RNLS: variants seen among roughly 807,000 people sequenced by gnomAD.
The protein encoded by RNLS is renalase.
A neutral mutation model predicts 39.8 loss-of-function variants in RNLS; 39 were observed. The ratio of observed to expected loss-of-function variants is 0.98; its 90% CI spans 0.76 to 1.28. The LOEUF (loss-of-function observed/expected upper bound fraction) is 1.28. Ranked by LOEUF, RNLS falls within the 50% of genes most tolerant of loss-of-function variation. RNLS has a pLI of 0.00. For missense variants in RNLS, 410 were observed against 413.3 expected (o/e 0.99, Z 0.07); for synonymous variants, 147 against 150.7 (o/e 0.98, Z 0.18).
intron 4 of RNLS, among the ~76,000 whole-genome samples, chr10:88,519,215 T>C (rs1165211046): frequency 6.6e-6 from 1 of 151,922 alleles, no homozygotes. Flanking sequence ...AAATATTCTA[T>C]CCTTATCCTG....
chr10:88,383,025 C>T (rs761271262), intron 4 of RNLS, among the ~76,000 whole-genome samples: 4 of 152,088 alleles, frequency 2.6e-5, no homozygotes, highest in Non-Finnish European at 4.4e-5. Context: ...TATAGTGACT[C>T]ATATTATTCA....
At chr10:88,437,537 C>A (rs552138263) in intron 4 of RNLS, among the ~76,000 whole-genome samples, 56 of 152,288 alleles carry the variant, frequency 3.7e-4, no homozygotes, top group African/African-American at 1.2e-3. Flanking sequence ...TTTCCAGATT[C>A]CAGGATAATG....
At chr10:88,247,564 C>T in the RNLS span, among the ~76,000 whole-genome samples, 1 of 152,154 alleles carries the variant, frequency 6.6e-6, no homozygotes, top group African/African-American at 2.4e-5. Flanking sequence ...ACAATGCCTA[C>T]CTCAAGGGGT....
intron 4 of RNLS, among the ~76,000 whole-genome samples, chr10:88,436,225 G>T (rs1841402076): frequency 6.6e-6 from 1 of 152,130 alleles, no homozygotes; most frequent in African/African-American, 2.4e-5. Flanking sequence ...TTCTGATAAG[G>T]TAACTTACCT....
intron 6 of RNLS, among the ~76,000 whole-genome samples, chr10:88,300,150 T>C (rs1844407958): frequency 6.6e-6 from 1 of 152,166 alleles, no homozygotes; most frequent in African/African-American, 2.4e-5. Flanking sequence ...ACATAAGATA[T>C]CTGAGCCCTC....
chr10:88,467,835 C>A (rs1056600010), intron 4 of RNLS, among the ~76,000 whole-genome samples: 1 of 152,114 alleles, frequency 6.6e-6, no homozygotes. Flanking sequence ...ATCAGCAACA[C>A]GTGGAGGCTT....
chr10:88,442,457 A>T (rs145805173), intron 4 of RNLS, among the ~76,000 whole-genome samples: 1 of 152,232 alleles, frequency 6.6e-6, no homozygotes, highest in African/African-American at 2.4e-5. Context: ...CAACACCTCC[A>T]CTTTTGTTTC....
intron 5 of RNLS, among the ~76,000 whole-genome samples, chr10:88,345,118 A>G (rs981089300): frequency 2.0e-5 from 3 of 152,128 alleles, no homozygotes; most frequent in Non-Finnish European, 4.4e-5. Flanking sequence ...CTTTAGGCTC[A>G]ATTTACTCAA....
chr10:88,441,767 A>G (rs752969271), intron 4 of RNLS, among the ~76,000 whole-genome samples: 13 of 152,218 alleles, frequency 8.5e-5, no homozygotes, highest in Non-Finnish European at 1.6e-4. Flanking sequence ...GATGGGCCGG[A>G]GATGCAATGG....
At chr10:88,345,612 C>A (rs966887773) in intron 5 of RNLS, among the ~76,000 whole-genome samples, 28 of 152,118 alleles carry the variant, frequency 1.8e-4, no homozygotes, top group Non-Finnish European at 2.4e-4. Context: ...TTGTATGTGA[C>A]AACAATTATA....
chr10:88,253,822 TG>T, the RNLS span, among the ~76,000 whole-genome samples: 1 of 152,154 alleles, frequency 6.6e-6, no homozygotes, highest in African/African-American at 2.4e-5. Context: ...GGCCTGGGTT[TG>T]TCCCCCTGGG....
chr10:88,397,410 T>C (rs929975181), intron 4 of RNLS, among the ~76,000 whole-genome samples: 5 of 151,684 alleles, frequency 3.3e-5, no homozygotes, highest in Non-Finnish European at 7.4e-5. Context: ...CGTTAGAAAA[T>C]ACTTTGAAAT....
chr10:88,487,565 A>G (rs1472632346), intron 4 of RNLS, among the ~76,000 whole-genome samples: 1 of 152,216 alleles, frequency 6.6e-6, no homozygotes, highest in African/African-American at 2.4e-5. Context: ...CTAAAATGCA[A>G]AAGACTTATC....
At chr10:88,511,180 C>T (rs1255482856) in intron 4 of RNLS, among the ~76,000 whole-genome samples, 3 of 152,054 alleles carry the variant, frequency 2.0e-5, no homozygotes, top group Non-Finnish European at 4.4e-5. Flanking sequence ...GGTTCCAAGC[C>T]TTCTACAGCT....
Position 88,314,543 on chromosome 10 carries a change from A to T in RNLS, c.799T>A (p.Phe267Ile). ...GGCAAAATGTTTTCCAGCTGCTGGAAGACTAACTCTTGCACATCCTCAATG... is the reference window on the plus strand; with the variant it reads ...GGCAAAATGTTTTCCAGCTGCTGGATGACTAACTCTTGCACATCCTCAATG... ...HSIEDVQELV[F>I]QQLENILPGL... is the part of the protein sequence containing the mutation. Residue 267 changes from phenylalanine (F) to isoleucine (I), a missense_variant, in exon 6 of 7, where the codon TTC becomes ATC. Physicochemically the swap from Phe to Ile is conservative, Grantham distance 21. Coordinates refer to ENST00000331772, the MANE Select transcript of RNLS (RefSeq NM_001031709.3). 6.2e-7 allele frequency: 1 copy of T among 1,614,004 alleles called. No individual in the cohort carries two copies. Among genetic ancestry groups the T allele is most frequent in the East Asian group, 2.2e-5 (1 of 44,874 alleles).
At chr10:88,302,796 A>G (rs1028588598) in intron 6 of RNLS, among the ~76,000 whole-genome samples, 2 of 152,202 alleles carry the variant, frequency 1.3e-5, no homozygotes, top group South Asian at 2.1e-4. Context: ...TATATACATG[A>G]TATCAGCCAC....
At chr10:88,541,468 T>C (rs1848039565) in intron 4 of RNLS, among the ~76,000 whole-genome samples, 2 of 152,162 alleles carry the variant, frequency 1.3e-5, no homozygotes, top group South Asian at 4.1e-4. Flanking sequence ...TAATACGTAG[T>C]ATGTTATGCA....
chr10:88,331,120 T>C (rs567366975), intron 5 of RNLS, among the ~76,000 whole-genome samples: 1 of 152,382 alleles, frequency 6.6e-6, no homozygotes, highest in South Asian at 2.1e-4. Context: ...TGTAGCCATA[T>C]GAAGAATGTA....
At chr10:88,376,456 G>A (rs939727446) in intron 4 of RNLS, among the ~76,000 whole-genome samples, 1 of 152,154 alleles carries the variant, frequency 6.6e-6, no homozygotes, top group Non-Finnish European at 1.5e-5. Context: ...GTCGCTTTGA[G>A]AAATTTAACT....
Sources: gnomAD v4.1 joint callset for allele counts (sites outside exome capture counted in the v4.1 genomes callset) on GRCh38, gnomAD v4.1.1 for gene constraint, MANE v1.5 for transcripts, NCBI Gene and HGNC (gene_info 2026-07-23, HGNC 2026-07-21) for gene names.